The following G3BP2 variants were observed in gnomAD, a reference collection of about 807,000 sequenced individuals.
G3BP2 encodes the protein G3BP stress granule assembly factor 2.
In G3BP2, 11 loss-of-function variants were observed where a neutral mutation model predicts 56.7. The observed-to-expected ratio is 0.19, with a 90% CI of 0.12 to 0.32. G3BP2 has a LOEUF of 0.32. Ranked by LOEUF, G3BP2 falls within the 10% of genes least tolerant of loss-of-function variation. The probability of loss-of-function intolerance (pLI) is 1.00; values close to 1 mark genes in which losing one functional copy is unlikely to be tolerated. For missense variants in G3BP2, 340 were observed against 610.9 expected, an observed-to-expected ratio of 0.56 and a Z score of 4.67; for synonymous variants, 165 against 191.6, an observed-to-expected ratio of 0.86 and a Z score of 1.15.
chr4:75,697,981 CTT>C (rs1322692544), intron 3 of G3BP2, among the ~76,000 whole-genome samples: 1 of 152,110 alleles, frequency 6.6e-6, no homozygotes, highest in East Asian at 1.9e-4. Context: ...CAAACAACCA[CTT>C]ATACATTTTT....
Position 75,653,994 on chromosome 4 carries a change from G to A in G3BP2, c.814C>T (p.Pro272Ser). 6.6e-7 allele frequency: 1 copy of A among 1,519,602 alleles called. No individual in the cohort carries two copies. The highest frequency in any genetic ancestry group is 9.1e-7 in the Non-Finnish European group (1 of 1,094,044). 94.1% of individuals were successfully genotyped at this position (1,519,602 alleles called of 1,614,324 possible). A position where few individuals can be genotyped will look rare whatever the true frequency, so the allele number is the denominator to read the frequency against. Residue 272 changes from proline to serine, a missense_variant, in exon 8 of 12, where the codon CCA becomes TCA. Around this residue, in one of 4 missense-constraint regions of G3BP2, gnomAD observed 224 missense variants for 332.5 expected, o/e 0.67. Coordinates refer to ENST00000359707, the MANE Select transcript of G3BP2 (RefSeq NM_203505.3). ...CACAGATTGGTTACCTGTGAGACTGGTGCTTTAACATGGGGTGGAATTCCA... is the reference window on the plus strand; with the variant it reads ...CACAGATTGGTTACCTGTGAGACTGATGCTTTAACATGGGGTGGAATTCCA... ...SSGIPPHVKA[P>S]VSQPRVEAKP...
At chr4:75,714,292 A>G (rs1329219764) in intron 3 of G3BP2, among the ~76,000 whole-genome samples, 2 of 152,178 alleles carry the variant, frequency 1.3e-5, no homozygotes, top group Non-Finnish European at 2.9e-5. Context: ...ATGCCTACAA[A>G]TTCCTCTCAC....
upstream of G3BP2, chr4:75,673,508 T>G (rs1733691140): frequency 8.1e-7 from 1 of 1,231,744 alleles, no homozygotes; most frequent in Non-Finnish European, 1.0e-6. Context: ...ACGCATCTCC[T>G]CCAGAGCCGG....
intron 1 of G3BP2, among the ~76,000 whole-genome samples, chr4:75,665,066 C>T (rs961830361): frequency 1.3e-5 from 2 of 152,080 alleles, no homozygotes; most frequent in African/African-American, 4.8e-5. Context: ...CAGAGACAGC[C>T]CTGCATAGGT....
intron 3 of G3BP2, among the ~76,000 whole-genome samples, chr4:75,706,778 G>C (rs961807474): frequency 1.3e-5 from 2 of 151,922 alleles, no homozygotes; most frequent in Non-Finnish European, 2.9e-5. Flanking sequence ...TTAGAACAAT[G>C]TCTACAATAT....
chr4:75,717,386 G>C (rs1022178845), intron 3 of G3BP2, among the ~76,000 whole-genome samples: 2 of 152,140 alleles, frequency 1.3e-5, no homozygotes, highest in African/African-American at 2.4e-5. Context: ...GTTGCAGAGA[G>C]GGGACCTTGG....
intron 11 of G3BP2, 86 bp from the exon 12 acceptor site, chr4:75,645,788 A>G: frequency 8.0e-7 from 1 of 1,244,164 alleles, no homozygotes; most frequent in Non-Finnish European, 1.1e-6. Context: ...TCAGATAAGC[A>G]TAAGGAATAA....
chr4:75,646,030 C>T (rs1425265290), intron 11 of G3BP2, among the ~76,000 whole-genome samples: 1 of 152,014 alleles, frequency 6.6e-6, no homozygotes, highest in Admixed American at 6.5e-5. Flanking sequence ...TGGTCTTGAA[C>T]TCTCCTGGGC....
chr4:75,681,051 G>A (rs1048192706), intron 3 of G3BP2, among the ~76,000 whole-genome samples: 2 of 151,614 alleles, frequency 1.3e-5, no homozygotes, highest in African/African-American at 4.8e-5. Context: ...TCAGCCAGGC[G>A]TGGTGGCTCA....
chr4:75,680,027 GC>G (rs1036499919), intron 3 of G3BP2, among the ~76,000 whole-genome samples: 1 of 152,218 alleles, frequency 6.6e-6, no homozygotes, highest in African/African-American at 2.4e-5. Flanking sequence ...GAATATCCTA[GC>G]CCTCAGTGGG....
In G3BP2 at chr4:75,645,694, C is replaced by G. The variant is rs769489164; in HGVS notation, c.1185G>C (p.Met395Ile). ...CATTTAAACGTACTTCCCCTCGAAA[C>G]ATAATCGGCTTTATAAAAGAGAAGA... ...VQRILIAKPI[M>I]FRGEVRLNVE... Residue 395 changes from methionine to isoleucine, a missense_variant, in exon 12 of 12, where the codon ATG becomes ATC. Transcript: ENST00000359707. 6.2e-7 allele frequency: 1 copy of G among 1,613,400 alleles called. No homozygotes were observed. The highest frequency in any genetic ancestry group is 1.1e-5 in the South Asian group (1 of 91,066).
intron 3 of G3BP2, among the ~76,000 whole-genome samples, chr4:75,688,657 T>A (rs1718722878): frequency 6.6e-6 from 1 of 152,194 alleles, no homozygotes; most frequent in South Asian, 2.1e-4. Context: ...AAGGCCTGAT[T>A]CACAAAAATC....
At chr4:75,689,302 G>T (rs923460803) in intron 3 of G3BP2, among the ~76,000 whole-genome samples, 1 of 151,878 alleles carries the variant, frequency 6.6e-6, no homozygotes, top group East Asian at 1.9e-4. Flanking sequence ...GCTTGAACCC[G>T]GGAGGTGGAG....
intron 3 of G3BP2, among the ~76,000 whole-genome samples, chr4:75,705,184 C>T (rs1246096275): frequency 6.6e-6 from 1 of 152,174 alleles, no homozygotes; most frequent in East Asian, 1.9e-4. Context: ...TCTTTCCCCT[C>T]CCCAGTGGAG....
intron 3 of G3BP2, among the ~76,000 whole-genome samples, chr4:75,694,340 G>A (rs1259001869): frequency 1.3e-5 from 2 of 152,166 alleles, no homozygotes; most frequent in Non-Finnish European, 2.9e-5. Flanking sequence ...GGTGGCTCAC[G>A]CCTGGAATCC....
chr4:75,702,764 G>T (rs1402059625), intron 3 of G3BP2, among the ~76,000 whole-genome samples: 1 of 152,206 alleles, frequency 6.6e-6, no homozygotes, highest in Non-Finnish European at 1.5e-5. Context: ...AGACACAGCA[G>T]AGATTTGGCA....
intron 1 of G3BP2, among the ~76,000 whole-genome samples, chr4:75,662,762 G>A (rs757518180): frequency 2.8e-4 from 43 of 152,034 alleles, no homozygotes; most frequent in Non-Finnish European, 5.6e-4. Context: ...CTCAGACTAC[G>A]TACAAGTCCT....
intron 3 of G3BP2, among the ~76,000 whole-genome samples, chr4:75,682,907 C>A (rs1323030499): frequency 1.3e-5 from 2 of 151,848 alleles, no homozygotes; most frequent in African/African-American, 4.8e-5. Context: ...TTGCTTGAAC[C>A]TGGGAGGCAG....
chr4:75,673,583 C>T, upstream of G3BP2: 1 of 1,231,982 alleles, frequency 8.1e-7, no homozygotes, highest in Admixed American at 4.2e-5. Flanking sequence ...CACACGCTCG[C>T]GCCCGGAAAG....
Sources: gnomAD v4.1 joint callset for allele counts (sites outside exome capture counted in the v4.1 genomes callset) on GRCh38, gnomAD v4.1.1 for gene constraint, gnomAD v4.1.1 regional missense constraint, MANE v1.5 for transcripts, NCBI Gene and HGNC (gene_info 2026-07-23, HGNC 2026-07-21) for gene names.